The following DICER1 variants were observed in gnomAD, a reference collection of about 807,000 sequenced individuals.
DICER1 encodes the protein endoribonuclease Dicer.
DICER1 carries 43 observed loss-of-function variants against 194.1 expected under a neutral mutation model. The observed-to-expected ratio is 0.22, with a 90% confidence interval of 0.17 to 0.29. The LOEUF is 0.29. Ranked by LOEUF, DICER1 falls within the 10% of genes least tolerant of loss-of-function variation. The pLI, the probability that DICER1 is intolerant of heterozygous loss-of-function variation, is 1.00. For synonymous variants in DICER1, 832 were observed against 820.5 expected (o/e 1.01, Z -0.24); for missense variants, 1,608 against 2,317.0 (o/e 0.69, Z 6.28).
In DICER1 at chr14:95,105,030, C is replaced by A. The variant is rs747313024; in HGVS notation, c.3269+41G>T. On this transcript the variant is annotated intron_variant, in intron 20 of 26. Coordinates refer to ENST00000343455, the MANE Select transcript of DICER1 (RefSeq NM_177438.3). This position sits in a 1 kb window ranked among gnomAD's most constrained non-coding sequence, Gnocchi z 4.9. Reference sequence around the variant, plus strand: ...AATTCTGTTCTTTTGCAAACAGGATCTCATGATCTGTGTTCTTTCTGGCTG... The same window carrying A: ...AATTCTGTTCTTTTGCAAACAGGATATCATGATCTGTGTTCTTTCTGGCTG... The A allele has an allele frequency of 1.3e-6, 2 of 1,591,456 alleles. No individual in the cohort carries two copies. Among genetic ancestry groups the A allele is most frequent in the Admixed American group, 3.3e-5 (2 of 59,998 alleles).
At chr14:95,135,707 T>A (rs1007067341) in intron 1 of DICER1, among the ~76,000 whole-genome samples, 3 of 152,192 alleles carry the variant, frequency 2.0e-5, no homozygotes, top group Non-Finnish European at 1.5e-5. Flanking sequence ...GTCCTCCAGG[T>A]TCATCTGCGT....
intron 8 of DICER1, among the ~76,000 whole-genome samples, chr14:95,122,559 TATGATAGAAAGA>T (rs568722319): frequency 1.0e-3 from 158 of 152,342 alleles, no homozygotes; most frequent in Middle Eastern, 3.4e-3. Context: ...GGGGCATTAC[TATGATAGAAAGA>T]ACTGGAAACT....
Position 95,090,577 on chromosome 14 carries a change from T to C in DICER1, c.5690A>G (p.Tyr1897Cys). The change falls in exon 27 of 27, where the codon TAC becomes TGC. Residue 1897 changes from tyrosine to cysteine, a missense_variant. Tyr to Cys is a radical substitution (Grantham distance 194). Transcript: ENST00000343455. ...TGCTGCTGCAGATTTGGCAATCCTG[T>C]AACTTCGACCAACACCTTTAAATTT... ...KGKFKGVGRS[Y>C]RIAKSAAARR... 6.2e-7 allele frequency: 1 copy of C among 1,614,242 alleles called. No homozygotes were observed.
chr14:95,119,961 T>A (rs928463771), intron 8 of DICER1, among the ~76,000 whole-genome samples: 2 of 152,164 alleles, frequency 1.3e-5, no homozygotes, highest in African/African-American at 4.8e-5. Context: ...TATATGTACA[T>A]CTAATTCTCC....
Position 95,126,714 on chromosome 14 carries a change from A to C in DICER1, c.769T>G (p.Cys257Gly). Residue 257 changes from cysteine (C) to glycine (G), a missense_variant, in exon 7 of 27, where the codon TGT becomes GGT. By Grantham distance (159) the Cys-to-Gly change is radical. Around this residue, in one of 10 missense-constraint regions of DICER1, gnomAD observed 657 missense variants for 910.1 expected, o/e 0.72. Coordinates refer to ENST00000343455, the MANE Select transcript of DICER1 (RefSeq NM_177438.3). ...TSQPCEIVVD[C>G]GPFTDRSGLY... Reference sequence around the variant, plus strand: ...CCACTTCTGTCAGTAAATGGTCCACAATCCACCACAATCTCACATGGCTGA... The same window carrying C: ...CCACTTCTGTCAGTAAATGGTCCACCATCCACCACAATCTCACATGGCTGA... The C allele has an allele frequency of 6.2e-7, 1 of 1,611,606 alleles. No homozygotes were observed. The highest frequency in any genetic ancestry group is 8.5e-7 in the Non-Finnish European group (1 of 1,177,882).
At chr14:95,146,877 T>C (rs1895171056) in intron 1 of DICER1, among the ~76,000 whole-genome samples, 1 of 152,108 alleles carries the variant, frequency 6.6e-6, no homozygotes, top group Admixed American at 6.5e-5. Context: ...AATTATGTCT[T>C]AGTTAAAAAC....
Position 95,121,032 on chromosome 14 carries a change from T to G in DICER1, c.1376+3164A>C, listed in dbSNP as rs140786850. 5.3e-3 allele frequency among the ~76,000 whole-genome samples: 807 copies of G among 152,296 alleles called. 10 individuals carry two copies. Among genetic ancestry groups the G allele is most frequent in the South Asian group, 0.022 (104 of 4,824 alleles). On this transcript the variant is annotated intron_variant, in intron 8 of 26. Coordinates refer to ENST00000343455, the MANE Select transcript of DICER1 (RefSeq NM_177438.3). Reference sequence around the variant, plus strand: ...GAGTGACGTTTTGTGGTTGATACCATGAGAGCCCCCTGATATAATGTGACT... The same window carrying G: ...GAGTGACGTTTTGTGGTTGATACCAGGAGAGCCCCCTGATATAATGTGACT...
intron 22 of DICER1, among the ~76,000 whole-genome samples, chr14:95,097,264 C>T (rs895221915): frequency 1.3e-5 from 2 of 152,210 alleles, no homozygotes; most frequent in Admixed American, 6.5e-5. Flanking sequence ...TATAATAAAG[C>T]TTTTTGTCCC....
chr14:95,103,179 C>T (rs1891044975), intron 21 of DICER1, among the ~76,000 whole-genome samples, 167 bp downstream of exon 21: 1 of 152,170 alleles, frequency 6.6e-6, no homozygotes, highest in Non-Finnish European at 1.5e-5. Flanking sequence ...GGTAGTTCTG[C>T]CACAGGCTTT....
chr14:95,093,014 C>T (rs957445536), intron 24 of DICER1, among the ~76,000 whole-genome samples: 11 of 152,178 alleles, frequency 7.2e-5, no homozygotes, highest in Non-Finnish European at 1.2e-4. Context: ...GGCGTGAACT[C>T]GGCTCTGCGG....
At chr14:95,122,780 G>T (rs1410937381) in intron 8 of DICER1, among the ~76,000 whole-genome samples, 3 of 152,068 alleles carry the variant, frequency 2.0e-5, no homozygotes, top group Non-Finnish European at 4.4e-5. Flanking sequence ...ATTTTCCTTT[G>T]TATTCATCAG....
chr14:95,111,607 C>T lies in DICER1; in HGVS notation c.2117-151G>A, dbSNP rs1023874493. 3.5e-6 allele frequency: 3 copies of T among 846,424 alleles called. No homozygotes were observed. In the African/African-American group the frequency reaches 5.1e-5, roughly 14 times the overall value. The allele number at this position is 846,424 out of a possible 1,614,324, so 52.4% of individuals were successfully genotyped here. A position where few individuals can be genotyped will look rare whatever the true frequency, so the allele number is the denominator to read the frequency against. On this transcript the variant is annotated intron_variant, in intron 13 of 26. Coordinates refer to ENST00000343455, the MANE Select transcript of DICER1 (RefSeq NM_177438.3). The stretch of plus-strand genomic sequence containing the variant: ...TACAATTTAAAAGTAATCAGATTCA[C>T]ACTTCAGGCAAAGTCTATTTTGGCA...
intron 1 of DICER1, among the ~76,000 whole-genome samples, chr14:95,144,058 T>C (rs899935738): frequency 6.6e-6 from 1 of 152,198 alleles, no homozygotes; most frequent in Non-Finnish European, 1.5e-5. Flanking sequence ...TTCTAAGTTG[T>C]AGAGCAGAAA....
At chr14:95,117,080 G>T (rs1892539829) in intron 9 of DICER1, among the ~76,000 whole-genome samples, 1 of 152,142 alleles carries the variant, frequency 6.6e-6, no homozygotes, top group Admixed American at 6.5e-5. Flanking sequence ...CTTTAAATAG[G>T]TTTTTGTGTA....
At chr14:95,150,480 A>G (rs1325912944) in intron 1 of DICER1, among the ~76,000 whole-genome samples, 1 of 152,198 alleles carries the variant, frequency 6.6e-6, no homozygotes, top group East Asian at 1.9e-4. Context: ...AGCAAGACTC[A>G]GCATTAACAA....
intron 5 of DICER1, among the ~76,000 whole-genome samples, 164 bp from the exon 6 acceptor site, chr14:95,129,796 A>C (rs1893794602): frequency 6.6e-6 from 1 of 152,222 alleles, no homozygotes; most frequent in Non-Finnish European, 1.5e-5. Context: ...TTACTCATAG[A>C]ATTACTGTAG....
chr14:95,123,362 A>T (rs1893109394), intron 8 of DICER1, among the ~76,000 whole-genome samples: 1 of 152,214 alleles, frequency 6.6e-6, no homozygotes, highest in South Asian at 2.1e-4. Flanking sequence ...AAATTTTAAT[A>T]TGCAGTCTAT....
At chr14:95,143,327 G>A (rs975880880) in intron 1 of DICER1, among the ~76,000 whole-genome samples, 1 of 152,028 alleles carries the variant, frequency 6.6e-6, no homozygotes, top group Non-Finnish European at 1.5e-5. Context: ...AAAAATAAGA[G>A]GCATAGTTCT....
chr14:95,105,587 T>A lies in DICER1; in HGVS notation c.3093+91A>T. The A allele has an allele frequency of 9.6e-7, 1 of 1,044,766 alleles. No homozygotes were observed. The highest frequency in any genetic ancestry group is 1.5e-6 in the Non-Finnish European group (1 of 684,094). The allele number at this position is 1,044,766 out of a possible 1,614,324, so 64.7% of individuals were successfully genotyped here. On this transcript the variant is annotated intron_variant, in intron 19 of 26. Coordinates refer to ENST00000343455, the MANE Select transcript of DICER1 (RefSeq NM_177438.3). This position sits in a 1 kb window ranked among gnomAD's most constrained non-coding sequence, Gnocchi z 4.9. ...TCTAAAAAATTAACGAATCATGCAT[T>A]TAACTTGGTAAGATAAAATTCAAAC... is the stretch of plus-strand genomic sequence containing the variant.
Sources: gnomAD v4.1 joint callset for allele counts (sites outside exome capture counted in the v4.1 genomes callset) on GRCh38, gnomAD v4.1.1 for gene constraint, gnomAD v4.1.1 regional missense constraint, Gnocchi (gnomAD v3.1) non-coding constraint, MANE v1.5 for transcripts, NCBI Gene and HGNC (gene_info 2026-07-23, HGNC 2026-07-21) for gene names.